GLI3: variants seen among roughly 807,000 people sequenced by gnomAD.
GLI3 encodes the protein GLI family zinc finger 3, also known as transcription activator GLI3.
A neutral mutation model predicts 100.8 loss-of-function variants in GLI3; 20 were observed. The ratio of observed to expected loss-of-function variants is 0.20; its 90% CI spans 0.14 to 0.29. The LOEUF is 0.29. GLI3 is among the 10% of genes least tolerant of loss of function. GLI3 has a pLI of 1.00. For missense variants in GLI3, 2,040 were observed against 2,128.5 expected, an observed-to-expected ratio of 0.96 and a Z score of 0.82; for synonymous variants, 938 against 860.5, an observed-to-expected ratio of 1.09 and a Z score of -1.58.
Position 41,962,830 on chromosome 7 carries a change from A to G in GLI3, c.*1500T>C, listed in dbSNP as rs879049658. ...GCAGTAAATCCAATTCCAGGGGTCA[A>G]TGGGACAGAATACAGCAGGTAGCCT... On this transcript the variant is annotated 3_prime_UTR_variant, in exon 15 of 15. Transcript: ENST00000395925. 1 of 152,244 alleles carries G rather than the reference A, an allele frequency of 6.6e-6. No homozygotes were observed. Among genetic ancestry groups the G allele is most frequent in the African/African-American group, 2.4e-5 (1 of 41,474 alleles). The allele number at this position is 152,244 out of a possible 1,614,324, so 9.4% of individuals were successfully genotyped here.
intron 3 of GLI3, among the ~76,000 whole-genome samples, chr7:42,087,976 C>CGACATG (rs995486436): frequency 3.3e-5 from 5 of 152,080 alleles, no homozygotes; most frequent in Non-Finnish European, 7.4e-5. Flanking sequence ...ATAAAGCACA[C>CGACATG]GACATGGCTT....
Position 42,102,296 on chromosome 7 carries a change from C to T in GLI3, c.368-25439G>A, listed in dbSNP as rs142354977. On this transcript the variant is annotated intron_variant, in intron 3 of 14. Coordinates refer to ENST00000395925, the MANE Select transcript of GLI3 (RefSeq NM_000168.6). ...CCATGAGCCTCACTGCCCAAGACAG[C>T]CAGGGTACCTGGCTCTGATAGCAGA... Among the ~76,000 whole-genome samples, 551 of 152,274 alleles carry T rather than the reference C, an allele frequency of 3.6e-3. 2 individuals carry two copies. Among genetic ancestry groups the T allele is most frequent in the African/African-American group, 0.012 (514 of 41,544 alleles).
chr7:42,124,069 C>T (rs1271502759), intron 3 of GLI3, among the ~76,000 whole-genome samples: 1 of 152,140 alleles, frequency 6.6e-6, no homozygotes, highest in Non-Finnish European at 1.5e-5. Flanking sequence ...TCCCCACTGT[C>T]TTGTCTTGCC....
chr7:42,112,299 C>T (rs1214064600), intron 3 of GLI3, among the ~76,000 whole-genome samples: 1 of 152,142 alleles, frequency 6.6e-6, no homozygotes, highest in Non-Finnish European at 1.5e-5. Context: ...TTGGGCTCAA[C>T]TGTTCAGTGA....
intron 3 of GLI3, among the ~76,000 whole-genome samples, chr7:42,088,039 C>T (rs913152844): frequency 2.0e-5 from 3 of 152,142 alleles, no homozygotes; most frequent in African/African-American, 7.2e-5. Context: ...TCCCCCGCTG[C>T]TTAGAAAGAA....
chr7:42,132,126 A>T (rs1388185228), intron 3 of GLI3, among the ~76,000 whole-genome samples: 1 of 149,602 alleles, frequency 6.7e-6, no homozygotes, highest in Non-Finnish European at 1.5e-5. Context: ...TTTGAGATGG[A>T]GGCTCGCTCT....
At chr7:42,117,722 A>G (rs1196382752) in intron 3 of GLI3, among the ~76,000 whole-genome samples, 3 of 152,234 alleles carry the variant, frequency 2.0e-5, no homozygotes, top group Non-Finnish European at 1.5e-5. Context: ...ACCTCCTTCT[A>G]GCAAAGTGTA....
chr7:42,229,420 A>G (rs1788651189), intron 1 of GLI3, among the ~76,000 whole-genome samples: 1 of 152,242 alleles, frequency 6.6e-6, no homozygotes, highest in Non-Finnish European at 1.5e-5. Flanking sequence ...GCCTTAAGTG[A>G]GAAATTATTC....
chr7:42,087,042 G>A (rs187003930), intron 3 of GLI3, among the ~76,000 whole-genome samples: 1 of 152,244 alleles, frequency 6.6e-6, no homozygotes, highest in African/African-American at 2.4e-5. Flanking sequence ...GGGGTGTGAG[G>A]GCAGAAGAGG....
At chr7:42,043,807 T>G (rs1413701295) in intron 6 of GLI3, among the ~76,000 whole-genome samples, 1 of 152,248 alleles carries the variant, frequency 6.6e-6, no homozygotes, top group African/African-American at 2.4e-5. Context: ...CGGGCTGACC[T>G]TCCAAGGATT....
intron 10 of GLI3, among the ~76,000 whole-genome samples, chr7:41,988,679 G>C (rs1292391110): frequency 6.6e-6 from 1 of 152,124 alleles, no homozygotes; most frequent in African/African-American, 2.4e-5. Flanking sequence ...CCAGCTTCCA[G>C]AACAGTGAGA....
intron 2 of GLI3, among the ~76,000 whole-genome samples, chr7:42,158,312 G>A (rs1208832639): frequency 1.3e-5 from 2 of 152,166 alleles, no homozygotes; most frequent in African/African-American, 2.4e-5. Flanking sequence ...TCAGCTAAAC[G>A]TCCTGAGGTT....
Position 41,983,306 on chromosome 7 carries a change from C to T in GLI3, c.1498-4558G>A, listed in dbSNP as rs143416678. The stretch of plus-strand genomic sequence containing the variant: ...GGAAGGACTGAAAATCAGGATCCTG[C>T]GCTATAAAAGGTACCCCAACGAAGG... On this transcript the variant is annotated intron_variant, in intron 10 of 14. Coordinates refer to ENST00000395925, the MANE Select transcript of GLI3 (RefSeq NM_000168.6). 5.7e-3 allele frequency among the ~76,000 whole-genome samples: 864 copies of T among 152,164 alleles called. 7 individuals are homozygous for T. The highest frequency in any genetic ancestry group is 0.019 in the African/African-American group (795 of 41,516).
chr7:42,094,946 G>A (rs1310434238), intron 3 of GLI3, among the ~76,000 whole-genome samples: 1 of 152,134 alleles, frequency 6.6e-6, no homozygotes, highest in Non-Finnish European at 1.5e-5. Flanking sequence ...CCGCACATGA[G>A]GGAGCAGTGG....
At chr7:42,141,944 C>T (rs1786577583) in intron 3 of GLI3, among the ~76,000 whole-genome samples, 1 of 152,070 alleles carries the variant, frequency 6.6e-6, no homozygotes, top group East Asian at 1.9e-4. Context: ...ACTTCTCTGC[C>T]CTATGGTGGC....
At chr7:42,228,160 C>CATT (rs1293107959) in intron 1 of GLI3, among the ~76,000 whole-genome samples, 1 of 152,102 alleles carries the variant, frequency 6.6e-6, no homozygotes. Flanking sequence ...CATCCATCAT[C>CATT]ATTACATCAG....
chr7:42,070,804 C>G (rs1317090869), intron 4 of GLI3, among the ~76,000 whole-genome samples: 2 of 152,060 alleles, frequency 1.3e-5, no homozygotes, highest in Admixed American at 6.6e-5. Flanking sequence ...TAATTTCATT[C>G]ATTTTATTTC....
At chr7:42,036,467 G>A (rs952200727) in intron 7 of GLI3, among the ~76,000 whole-genome samples, 3 of 152,210 alleles carry the variant, frequency 2.0e-5, no homozygotes, top group Admixed American at 1.3e-4. Flanking sequence ...TTTGGTGCTT[G>A]TGTTCTATTG....
At chr7:42,250,545 G>A (rs1047254936) in intron 1 of GLI3, among the ~76,000 whole-genome samples, 2 of 152,224 alleles carry the variant, frequency 1.3e-5, no homozygotes, top group African/African-American at 4.8e-5. Context: ...CTTGACTCAG[G>A]GCCCAATCCA....
Sources: gnomAD v4.1 joint callset for allele counts (sites outside exome capture counted in the v4.1 genomes callset) on GRCh38, gnomAD v4.1.1 for gene constraint, MANE v1.5 for transcripts, NCBI Gene and HGNC (gene_info 2026-07-23, HGNC 2026-07-21) for gene names.